PTPRD: variants seen among roughly 807,000 people sequenced by gnomAD.
PTPRD encodes protein tyrosine phosphatase receptor type D.
A neutral mutation model predicts 214.5 loss-of-function variants in PTPRD; 34 were observed. The ratio of observed to expected loss-of-function variants is 0.16; its 90% CI spans 0.12 to 0.21. The LOEUF (loss-of-function observed/expected upper bound fraction) is 0.21, where lower values mean the gene tolerates loss of function less well. PTPRD is among the 10% of genes least tolerant of loss of function. The pLI is 1.00. For missense variants in PTPRD, 2,545 were observed against 2,398.7 expected (o/e 1.06, Z -1.27); for synonymous variants, 1,128 against 845.7 (o/e 1.33, Z -5.79).
chr9:8,584,693 T>C (rs1452817278), intron 14 of PTPRD, among the ~76,000 whole-genome samples: 2 of 152,112 alleles, frequency 1.3e-5, no homozygotes, highest in Non-Finnish European at 2.9e-5. Flanking sequence ...GGTGTAAATA[T>C]AACAAACAGC....
At chr9:9,837,692 G>T (rs56406216) in intron 5 of PTPRD, among the ~76,000 whole-genome samples, 2 of 151,956 alleles carry the variant, frequency 1.3e-5, no homozygotes, top group African/African-American at 4.8e-5. Flanking sequence ...TAATAACAGT[G>T]GTAGCATCCT....
At chr9:9,989,628 A>T (rs2095844581) in intron 4 of PTPRD, among the ~76,000 whole-genome samples, 1 of 152,078 alleles carries the variant, frequency 6.6e-6, no homozygotes, top group African/African-American at 2.4e-5. Context: ...ACACGACCTC[A>T]TTCCTCCTGG....
chr9:8,495,623 A>C (rs570201684), intron 26 of PTPRD, among the ~76,000 whole-genome samples: 1 of 152,330 alleles, frequency 6.6e-6, no homozygotes, highest in African/African-American at 2.4e-5. Context: ...TTGAATACTT[A>C]ATGTTAGTGT....
intron 3 of PTPRD, among the ~76,000 whole-genome samples, chr9:10,079,890 A>G (rs1044015199): frequency 6.6e-6 from 1 of 152,012 alleles, no homozygotes; most frequent in Non-Finnish European, 1.5e-5. Context: ...GTCAGCAAAT[A>G]CATGAATAAA....
At chr9:9,475,221 C>T (rs374415172) in intron 8 of PTPRD, among the ~76,000 whole-genome samples, 9 of 152,234 alleles carry the variant, frequency 5.9e-5, no homozygotes, top group Middle Eastern at 3.4e-3. Context: ...TAATATATTA[C>T]GAAATCTGCA....
chr9:9,029,909 G>A (rs567039872), intron 10 of PTPRD, among the ~76,000 whole-genome samples: 2 of 152,012 alleles, frequency 1.3e-5, no homozygotes, highest in East Asian at 3.9e-4. Flanking sequence ...AATTGAATGT[G>A]GAATTCAAGG....
chr9:9,651,706 G>A (rs1020371585), intron 7 of PTPRD, among the ~76,000 whole-genome samples: 3 of 151,510 alleles, frequency 2.0e-5, no homozygotes, highest in Non-Finnish European at 4.4e-5. Context: ...ATGAACATAT[G>A]TGTACTTGTG....
At chr9:10,435,732 G>A (rs919573200) in intron 2 of PTPRD, among the ~76,000 whole-genome samples, 1 of 151,742 alleles carries the variant, frequency 6.6e-6, no homozygotes, top group African/African-American at 2.4e-5. Context: ...TTATTATCCT[G>A]TATAATTATT....
chr9:9,549,466 A>G (rs868329596), intron 8 of PTPRD, among the ~76,000 whole-genome samples: 8 of 152,140 alleles, frequency 5.3e-5, no homozygotes, highest in South Asian at 2.1e-4. Flanking sequence ...AACTGAAACC[A>G]TCATAAGATG....
chr9:10,405,523 C>G (rs2098339944), intron 2 of PTPRD, among the ~76,000 whole-genome samples: 1 of 57,178 alleles, frequency 1.7e-5, no homozygotes, highest in African/African-American at 4.1e-5. Flanking sequence ...ATTCACTAAA[C>G]AAGGAAATAA....
At chr9:9,396,207 A>G (rs2067743651) in intron 9 of PTPRD, among the ~76,000 whole-genome samples, 2 of 152,014 alleles carry the variant, frequency 1.3e-5, no homozygotes, top group Non-Finnish European at 2.9e-5. Context: ...AACCAAATCA[A>G]ACGTTTGAAA....
chr9:8,673,019 T>G (rs2097319561), intron 12 of PTPRD, among the ~76,000 whole-genome samples: 1 of 152,134 alleles, frequency 6.6e-6, no homozygotes, highest in Non-Finnish European at 1.5e-5. Context: ...TAAAATGAGC[T>G]TATCAAACCT....
intron 7 of PTPRD, among the ~76,000 whole-genome samples, chr9:9,628,499 G>C (rs928248159): frequency 6.6e-6 from 1 of 152,022 alleles, no homozygotes; most frequent in African/African-American, 2.4e-5. Flanking sequence ...TGGTATCCAG[G>C]ATCTGCACAC....
intron 2 of PTPRD, among the ~76,000 whole-genome samples, chr9:10,394,236 T>C (rs911678257): frequency 6.8e-6 from 1 of 146,652 alleles, no homozygotes; most frequent in African/African-American, 2.5e-5. Flanking sequence ...TTCTATTATA[T>C]ATAATATATA....
At chr9:9,221,018 G>C (rs1187958759) in intron 9 of PTPRD, among the ~76,000 whole-genome samples, 3 of 152,048 alleles carry the variant, frequency 2.0e-5, no homozygotes, top group Admixed American at 2.0e-4. Context: ...ACTGCCTTCA[G>C]TTCTGTCCCT....
intron 3 of PTPRD, among the ~76,000 whole-genome samples, chr9:10,175,761 A>G (rs531184996): frequency 1.3e-5 from 2 of 152,146 alleles, no homozygotes; most frequent in Non-Finnish European, 2.9e-5. Context: ...GTGGAATAGT[A>G]TGACCATATA....
chr9:10,285,034 A>C (rs1421132432), intron 3 of PTPRD, among the ~76,000 whole-genome samples: 1 of 152,186 alleles, frequency 6.6e-6, no homozygotes, highest in Non-Finnish European at 1.5e-5. Flanking sequence ...CATTTTATGA[A>C]AGTTATGAAT....
intron 35 of PTPRD, among the ~76,000 whole-genome samples, chr9:8,412,323 T>C (rs1043451242): frequency 4.6e-5 from 7 of 152,156 alleles, no homozygotes; most frequent in African/African-American, 1.7e-4. Context: ...TTATTGAGTA[T>C]AGGTAACAGA....
chr9:10,127,695 A>G (rs1199425844), intron 3 of PTPRD, among the ~76,000 whole-genome samples: 1 of 152,178 alleles, frequency 6.6e-6, no homozygotes, highest in Non-Finnish European at 1.5e-5. Flanking sequence ...CTACACTGGT[A>G]AATTCATTAA....
Sources: gnomAD v4.1 joint callset for allele counts (sites outside exome capture counted in the v4.1 genomes callset) on GRCh38, gnomAD v4.1.1 for gene constraint, MANE v1.5 for transcripts, NCBI Gene and HGNC (gene_info 2026-07-23, HGNC 2026-07-21) for gene names.